PRH1: variants seen among roughly 807,000 people sequenced by gnomAD.
PRH1 encodes proline rich protein HaeIII subfamily 1, also known as salivary acidic proline-rich phosphoprotein 1/2.
A neutral mutation model predicts 7.9 loss-of-function variants in PRH1; 7 were observed. That is an observed-to-expected ratio of 0.89 (90% confidence interval 0.50 to 1.67). The LOEUF (loss-of-function observed/expected upper bound fraction) is 1.67, where lower values mean the gene tolerates loss of function less well. PRH1 is among the 40% of genes most tolerant of loss of function. The probability of loss-of-function intolerance (pLI) is 0.00; values close to 1 mark genes in which losing one functional copy is unlikely to be tolerated. For missense variants in PRH1, 109 were observed against 223.6 expected, an observed-to-expected ratio of 0.49 and a Z score of 3.27; for synonymous variants, 45 against 80.8, an observed-to-expected ratio of 0.56 and a Z score of 2.38.
intron 2 of PRH1, chr12:10,938,416 A>G: frequency 6.2e-7 from 1 of 1,613,950 alleles, no homozygotes; most frequent in African/African-American, 1.3e-5. Context: ...TCACCTGGGA[A>G]AGAATAATTA....
intron 1 of PRH1, among the ~76,000 whole-genome samples, chr12:11,008,603 G>A (rs72475458): frequency 1.7e-4 from 22 of 125,892 alleles, no homozygotes; most frequent in Middle Eastern, 8.7e-3. Context: ...GGTTTGGCCT[G>A]CTTTGAACTG....
chr12:11,055,803 C>G (rs977603616), intron 1 of PRH1, among the ~76,000 whole-genome samples: 3 of 152,232 alleles, frequency 2.0e-5, no homozygotes, highest in Admixed American at 6.5e-5. Context: ...GATGCCTACA[C>G]TGTTATATGC....
chr12:11,062,209 A>T lies in PRH1; in HGVS notation n.124-15021T>A. The T allele has an allele frequency of 1.9e-6, 3 of 1,613,444 alleles. No homozygotes were observed. In the Admixed American group the frequency reaches 5.0e-5, roughly 27 times the overall value. On this transcript the variant is annotated intron_variant and non_coding_transcript_variant, in intron 1 of 4. Coordinates refer to the PRH1 transcript ENST00000541977. The stretch of plus-strand genomic sequence containing the variant: ...CTTGAACCACTCAATGGAATTTACC[A>T]ATGCTATGAAGCCATTAGCAAAATT...
At chr12:10,966,907 G>A (rs1294443579) in intron 2 of PRH1, among the ~76,000 whole-genome samples, 1 of 152,022 alleles carries the variant, frequency 6.6e-6, no homozygotes, top group African/African-American at 2.4e-5. Flanking sequence ...AGAGATCAGG[G>A]GATCGAGACC....
intron 1 of PRH1, among the ~76,000 whole-genome samples, chr12:11,135,053 G>A (rs1189721382): frequency 3.3e-5 from 5 of 152,080 alleles, no homozygotes; most frequent in Non-Finnish European, 7.4e-5. Flanking sequence ...CACGAATAAT[G>A]TTTATTTATC....
intron 2 of PRH1, among the ~76,000 whole-genome samples, chr12:10,932,739 C>A (rs1329074640): frequency 6.6e-6 from 1 of 152,094 alleles, no homozygotes; most frequent in East Asian, 1.9e-4. Flanking sequence ...TCAGTTCTGT[C>A]CCTGCCTATG....
chr12:11,014,849 T>C (rs1941219408), intron 1 of PRH1, among the ~76,000 whole-genome samples: 1 of 152,010 alleles, frequency 6.6e-6, no homozygotes, highest in Non-Finnish European at 1.5e-5. Flanking sequence ...AGTAGATAGT[T>C]AGTCAGGCAT....
intron 2 of PRH1, among the ~76,000 whole-genome samples, chr12:10,912,260 A>T (rs930168939): frequency 1.3e-5 from 2 of 152,148 alleles, no homozygotes; most frequent in Non-Finnish European, 2.9e-5. Flanking sequence ...GTAACTTATT[A>T]TTGAGTACAT....
At position 11,083,068 on chromosome 12, in the gene PRH1, C is replaced by A. The variant is rs1245518984; in HGVS notation, n.124-35880G>T. ...AAATATTTTTTCACACATGTGTACA[C>A]ATGCATGGTATTAAAATCTTTGAAT... On this transcript the variant is annotated intron_variant and non_coding_transcript_variant, in intron 1 of 4. Coordinates refer to the PRH1 transcript ENST00000541977. 2.6e-5 allele frequency among the ~76,000 whole-genome samples: 3 copies of A among 116,426 alleles called. 1 individual carries two copies. Among genetic ancestry groups the A allele is most frequent in the Non-Finnish European group, 6.1e-5 (3 of 49,164 alleles). 76.4% of individuals were successfully genotyped at this position (116,426 alleles called of 152,430 possible).
At chr12:11,025,756 C>A (rs1039990286) in intron 1 of PRH1, among the ~76,000 whole-genome samples, 14 of 152,254 alleles carry the variant, frequency 9.2e-5, no homozygotes, top group African/African-American at 3.1e-4. Context: ...GTGTAGCTAT[C>A]TTCCAATTCA....
intron 2 of PRH1, among the ~76,000 whole-genome samples, chr12:10,944,419 T>A (rs543423837): frequency 4.5e-4 from 69 of 152,334 alleles, no homozygotes; most frequent in Non-Finnish European, 7.5e-4. Context: ...TGATTTTGTA[T>A]CCTGCAACTT....
intron 1 of PRH1, among the ~76,000 whole-genome samples, chr12:11,150,211 C>A (rs1947023890): frequency 6.6e-6 from 1 of 151,238 alleles, no homozygotes; most frequent in African/African-American, 2.4e-5. Context: ...AACACTTTTA[C>A]ACTGTTGGTG....
chr12:11,053,721 A>G (rs1029857978), intron 1 of PRH1, among the ~76,000 whole-genome samples: 1 of 152,282 alleles, frequency 6.6e-6, no homozygotes, highest in Admixed American at 6.5e-5. Context: ...CCTGAAAGGG[A>G]GAATGTTACT....
In PRH1 at chr12:10,938,819, A is replaced by C. The variant is rs746098263; in HGVS notation, c.-59+34836T>G. 7 of 1,613,486 alleles carry C rather than the reference A, an allele frequency of 4.3e-6. No homozygotes were observed. Among genetic ancestry groups the C allele is most frequent in the Admixed American group, 1.7e-5 (1 of 59,912 alleles). On this transcript the variant is annotated intron_variant, in intron 2 of 3. Transcript: ENST00000539853. ...CGAAGTCACAAGAAGCAGCACCAAA[A>C]CCACCTTTTTAACCCTCCACTTTAG...
chr12:11,010,396 G>C (rs1167662447), intron 1 of PRH1, among the ~76,000 whole-genome samples: 2 of 151,762 alleles, frequency 1.3e-5, no homozygotes, highest in African/African-American at 4.8e-5. Flanking sequence ...CAGGGCAATG[G>C]GAGAACACTA....
intron 2 of PRH1, chr12:10,908,496 G>T: frequency 1.2e-6 from 2 of 1,613,802 alleles, no homozygotes; most frequent in Non-Finnish European, 1.7e-6. Flanking sequence ...GACTCCAATC[G>T]TCTCACAAAG....
At chr12:11,104,686 A>T (rs1945360003) in intron 1 of PRH1, among the ~76,000 whole-genome samples, 2 of 146,000 alleles carry the variant, frequency 1.4e-5, no homozygotes, top group Admixed American at 1.4e-4. Flanking sequence ...TAAGAGTGTA[A>T]ATACTTGATC....
rs748002106 is a variant in PRH1, at chr12:11,092,076, C to T, written n.124-44888G>A. The T allele has an allele frequency of 1.9e-6, 3 of 1,551,314 alleles. No homozygotes were observed. The Admixed American group carries it at 5.3e-5, about 27-fold the overall frequency. ...CAGAGCAAACCAACTCTGGAGACCG[C>T]CAGAGCAGTGAGAATTTGGTCAGCA... On this transcript the variant is annotated intron_variant and non_coding_transcript_variant, in intron 1 of 4. Coordinates refer to the PRH1 transcript ENST00000541977.
chr12:10,933,218 A>T (rs1950238791), intron 2 of PRH1, among the ~76,000 whole-genome samples: 3 of 152,098 alleles, frequency 2.0e-5, no homozygotes, highest in Middle Eastern at 3.2e-3. Context: ...GTTTTTACAG[A>T]TATACAATAT....
Sources: gnomAD v4.1 joint callset for allele counts (sites outside exome capture counted in the v4.1 genomes callset) on GRCh38, gnomAD v4.1.1 for gene constraint, MANE v1.5 for transcripts, NCBI Gene and HGNC (gene_info 2026-07-23, HGNC 2026-07-21) for gene names.